FSTL5: variants seen among roughly 807,000 people sequenced by gnomAD.
FSTL5 encodes follistatin-related protein 5.
FSTL5 carries 62 observed loss-of-function variants against 89.1 expected under a neutral mutation model. That is an observed-to-expected ratio of 0.70 (90% CI 0.57 to 0.86). The LOEUF is 0.86. Among genes scored for constraint, FSTL5 ranks in the 40% least tolerant of loss-of-function variants. The pLI is 0.00. For synonymous variants in FSTL5, 383 were observed against 346.2 expected, an observed-to-expected ratio of 1.11 and a Z score of -1.18; for missense variants, 1,057 against 1,001.6, an observed-to-expected ratio of 1.06 and a Z score of -0.75.
chr4:161,757,105 T>A (rs1020617845), intron 6 of FSTL5, among the ~76,000 whole-genome samples: 3 of 152,180 alleles, frequency 2.0e-5, no homozygotes, highest in African/African-American at 7.2e-5. Context: ...GCCAGGTTTT[T>A]CTAAATGCCC....
intron 7 of FSTL5, among the ~76,000 whole-genome samples, chr4:161,637,894 G>A (rs1172553264): frequency 3.0e-5 from 4 of 135,370 alleles, no homozygotes; most frequent in South Asian, 2.6e-4. Context: ...AAGTCAGGTA[G>A]TGTGATGCCT....
chr4:161,871,755 C>G (rs2314271), intron 4 of FSTL5, among the ~76,000 whole-genome samples: 1 of 152,158 alleles, frequency 6.6e-6, no homozygotes, highest in Non-Finnish European at 1.5e-5. Context: ...TGTATTGAAG[C>G]TATGAGTAAG....
At chr4:161,812,350 T>G (rs183407449) in intron 4 of FSTL5, among the ~76,000 whole-genome samples, 197 of 152,318 alleles carry the variant, frequency 1.3e-3, no homozygotes, top group African/African-American at 3.7e-3. Flanking sequence ...ACAGTCCCTG[T>G]GCAAGTACAG....
chr4:161,802,057 T>C (rs2126830295), intron 4 of FSTL5, among the ~76,000 whole-genome samples: 1 of 151,840 alleles, frequency 6.6e-6, no homozygotes, highest in East Asian at 1.9e-4. Context: ...AATAGTTAAG[T>C]AATGTGCTAT....
chr4:162,089,805 G>T (rs1372898534), intron 2 of FSTL5, among the ~76,000 whole-genome samples: 1 of 152,032 alleles, frequency 6.6e-6, no homozygotes, highest in African/African-American at 2.4e-5. Flanking sequence ...ATTAACCAAT[G>T]CTTGATAAAA....
chr4:162,061,502 T>G (rs1484338001), intron 2 of FSTL5, among the ~76,000 whole-genome samples: 2 of 152,136 alleles, frequency 1.3e-5, no homozygotes, highest in Non-Finnish European at 1.5e-5. Context: ...TCTGTTCTCA[T>G]GCAAAGGCAA....
At chr4:162,154,545 A>G (rs1346529691) in intron 1 of FSTL5, among the ~76,000 whole-genome samples, 1 of 152,218 alleles carries the variant, frequency 6.6e-6, no homozygotes, top group African/African-American at 2.4e-5. Flanking sequence ...TCTGATTTGC[A>G]TGAAAATAGT....
At chr4:162,069,356 C>T (rs1729500709) in intron 2 of FSTL5, among the ~76,000 whole-genome samples, 1 of 151,844 alleles carries the variant, frequency 6.6e-6, no homozygotes, top group Non-Finnish European at 1.5e-5. Context: ...ATTAGCATAT[C>T]TTTCCCTTTA....
At chr4:161,957,239 A>G (rs1363644317) in intron 3 of FSTL5, among the ~76,000 whole-genome samples, 1 of 152,020 alleles carries the variant, frequency 6.6e-6, no homozygotes, top group Non-Finnish European at 1.5e-5. Context: ...TATAATTTAT[A>G]TATTCTACAT....
intron 11 of FSTL5, among the ~76,000 whole-genome samples, chr4:161,507,205 G>A (rs534272589): frequency 5.3e-5 from 8 of 151,952 alleles, no homozygotes; most frequent in African/African-American, 1.9e-4. Flanking sequence ...ATTTAAGTAA[G>A]TATAATTCAG....
intron 3 of FSTL5, among the ~76,000 whole-genome samples, chr4:161,998,630 C>T (rs1404883787): frequency 2.6e-5 from 4 of 152,008 alleles, no homozygotes; most frequent in East Asian, 1.9e-4. Flanking sequence ...GTGTCTAGTA[C>T]AATTTTTCTC....
At chr4:161,669,695 G>T (rs1163844167) in intron 6 of FSTL5, among the ~76,000 whole-genome samples, 1 of 152,072 alleles carries the variant, frequency 6.6e-6, no homozygotes, top group East Asian at 1.9e-4. Flanking sequence ...AATCCTAGAT[G>T]ATAATTGGAG....
chr4:162,033,404 G>A (rs551166868), intron 3 of FSTL5, among the ~76,000 whole-genome samples: 2 of 152,198 alleles, frequency 1.3e-5, no homozygotes, highest in Non-Finnish European at 2.9e-5. Flanking sequence ...AAAAGTTGAC[G>A]TTTTCAAGAG....
chr4:161,809,239 G>T (rs1378584592), intron 4 of FSTL5, among the ~76,000 whole-genome samples: 1 of 151,870 alleles, frequency 6.6e-6, no homozygotes, highest in East Asian at 1.9e-4. Context: ...AAAACAAAAT[G>T]CAAATCCAAA....
chr4:162,043,412 C>A (rs1193647697), intron 2 of FSTL5: 2 of 152,088 alleles, frequency 1.3e-5, no homozygotes, highest in Non-Finnish European at 2.9e-5. Flanking sequence ...AATCAATGTG[C>A]ATACTTTAAT....
At chr4:162,146,376 T>C (rs1164262440) in intron 1 of FSTL5, among the ~76,000 whole-genome samples, 1 of 152,212 alleles carries the variant, frequency 6.6e-6, no homozygotes, top group Non-Finnish European at 1.5e-5. Context: ...AATTCCTTAA[T>C]ACCATACTGA....
At chr4:161,404,552 AGAT>A (rs1345144498) in intron 15 of FSTL5, among the ~76,000 whole-genome samples, 3 of 152,312 alleles carry the variant, frequency 2.0e-5, no homozygotes, top group Non-Finnish European at 4.4e-5. Flanking sequence ...CCAGCAGAGC[AGAT>A]GACTTTTTTG....
intron 3 of FSTL5, among the ~76,000 whole-genome samples, chr4:162,002,940 C>A (rs940064290): frequency 6.6e-6 from 1 of 151,866 alleles, no homozygotes; most frequent in Non-Finnish European, 1.5e-5. Flanking sequence ...GTCAAGAAAT[C>A]GAGACCACCC....
In FSTL5 at chr4:161,443,426, C is replaced by G. The variant is rs138054891; in HGVS notation, c.1841+11578G>C. Among the ~76,000 whole-genome samples the G allele has an allele frequency of 2.2e-3, 340 of 152,036 alleles. 3 individuals are homozygous for G. The highest frequency in any genetic ancestry group is 7.8e-3 in the African/African-American group (324 of 41,520). The stretch of plus-strand genomic sequence containing the variant: ...TAAGCGGCAGAACATGAATTTGGAT[C>G]TATATCCTTATTACTCCAAAGTATG... On this transcript the variant is annotated intron_variant, in intron 15 of 15. Coordinates refer to ENST00000306100, the MANE Select transcript of FSTL5 (RefSeq NM_020116.5).
Sources: gnomAD v4.1 joint callset for allele counts (sites outside exome capture counted in the v4.1 genomes callset) on GRCh38, gnomAD v4.1.1 for gene constraint, MANE v1.5 for transcripts, NCBI Gene and HGNC (gene_info 2026-07-23, HGNC 2026-07-21) for gene names.